STIM1: variants seen among roughly 807,000 people sequenced by gnomAD.
STIM1 encodes the protein stromal interaction molecule 1.
Under a neutral mutation model 74.7 loss-of-function variants are expected in STIM1, and 25 were observed. The ratio of observed to expected loss-of-function variants is 0.33; its 90% CI spans 0.24 to 0.47. The LOEUF is 0.47. STIM1 is among the 20% of genes least tolerant of loss of function. STIM1 has a pLI of 1.00. For missense variants in STIM1, 728 were observed against 920.8 expected (o/e 0.79, Z 2.71); for synonymous variants, 328 against 348.8 (o/e 0.94, Z 0.66).
intron 4 of STIM1, among the ~76,000 whole-genome samples, chr11:4,057,436 G>A (rs969671882): frequency 3.3e-5 from 5 of 152,076 alleles, no homozygotes; most frequent in Non-Finnish European, 7.4e-5. Flanking sequence ...GTGAAGTGAG[G>A]GTGGTTCTAG....
At chr11:3,929,909 A>G (rs2092836870) in intron 1 of STIM1, among the ~76,000 whole-genome samples, 1 of 152,060 alleles carries the variant, frequency 6.6e-6, no homozygotes, top group African/African-American at 2.4e-5. Context: ...GTTCTGGGAG[A>G]GCCTCAGCTC....
intron 2 of STIM1, among the ~76,000 whole-genome samples, chr11:3,978,182 C>T (rs1458154263): frequency 6.8e-6 from 1 of 147,672 alleles, no homozygotes; most frequent in African/African-American, 2.5e-5. Flanking sequence ...GAGTTTCGCT[C>T]TTGTTGCCCA....
intron 1 of STIM1, among the ~76,000 whole-genome samples, chr11:3,881,072 G>GGTGAC (rs2091479412): frequency 6.7e-6 from 1 of 148,922 alleles, no homozygotes; most frequent in Admixed American, 6.7e-5. Flanking sequence ...TTTAGAGTAT[G>GGTGAC]GTGACGTAGG....
At chr11:4,049,654 T>C (rs1227184830) in intron 3 of STIM1, 2 of 151,588 alleles carry the variant, frequency 1.3e-5, no homozygotes, top group South Asian at 2.1e-4. Context: ...GACTCAGCTT[T>C]TCCTCTGTAT....
intron 2 of STIM1, among the ~76,000 whole-genome samples, chr11:3,971,042 G>A (rs1434439822): frequency 2.0e-5 from 3 of 152,138 alleles, no homozygotes; most frequent in Non-Finnish European, 4.4e-5. Context: ...CGTAGTCAAA[G>A]GTGTGCACAG....
At chr11:3,894,831 C>T (rs180757768) in intron 1 of STIM1, among the ~76,000 whole-genome samples, 19 of 151,946 alleles carry the variant, frequency 1.3e-4, no homozygotes, top group African/African-American at 2.7e-4. Context: ...CTCCGCCTTC[C>T]GGGTTCAAGC....
chr11:4,043,392 G>C (rs1467581356), intron 3 of STIM1, among the ~76,000 whole-genome samples: 1 of 152,108 alleles, frequency 6.6e-6, no homozygotes, highest in African/African-American at 2.4e-5. Context: ...TGTGTCATTA[G>C]TACTTTTTAA....
At chr11:4,053,246 A>G (rs1359324693) in intron 3 of STIM1, among the ~76,000 whole-genome samples, 1 of 152,242 alleles carries the variant, frequency 6.6e-6, no homozygotes, top group African/African-American at 2.4e-5. Flanking sequence ...TACCCAAAGG[A>G]TTATAAATCA....
rs1406593424 is a variant in STIM1 at position 4,019,757 on chromosome 11, A to G, written c.271-4116A>G. On this transcript the variant is annotated intron_variant, in intron 2 of 12. Transcript: ENST00000526596. Reference sequence around the variant, plus strand: ...GATCAAATTAGGGGGTAAAATTAGTATATCTGTCATCTCAAACATATATCA... The same window carrying G: ...GATCAAATTAGGGGGTAAAATTAGTGTATCTGTCATCTCAAACATATATCA... Among the ~76,000 whole-genome samples, 6 of 152,366 alleles carry G rather than the reference A, an allele frequency of 3.9e-5. No individual in the cohort carries two copies. The South Asian group carries it at 8.3e-4, about 21-fold the overall frequency.
intron 7 of STIM1, among the ~76,000 whole-genome samples, chr11:4,079,208 C>T (rs9735835): frequency 0.81 from 123,186 of 151,792 alleles, 51,901 homozygotes; most frequent in East Asian, 0.95. Flanking sequence ...GGAGAATGGC[C>T]TGAACCTGGG....
intron 1 of STIM1, among the ~76,000 whole-genome samples, chr11:3,932,993 G>T (rs1308062047): frequency 1.3e-5 from 2 of 152,194 alleles, no homozygotes; most frequent in Non-Finnish European, 2.9e-5. Context: ...GAGCTTTTTG[G>T]CTGAGGTGAA....
intron 5 of STIM1, among the ~76,000 whole-genome samples, chr11:4,059,639 G>A (rs2094316637): frequency 6.6e-6 from 1 of 152,172 alleles, no homozygotes. Context: ...GACCCTGTAG[G>A]AAGACCTGGA....
intron 1 of STIM1, among the ~76,000 whole-genome samples, chr11:3,965,405 T>C: frequency 6.6e-6 from 1 of 152,212 alleles, no homozygotes; most frequent in Non-Finnish European, 1.5e-5. Context: ...AAAAATGAGA[T>C]ATGATTCATG....
At chr11:3,981,390 T>C (rs2093503864) in intron 2 of STIM1, among the ~76,000 whole-genome samples, 1 of 152,250 alleles carries the variant, frequency 6.6e-6, no homozygotes, top group Non-Finnish European at 1.5e-5. Flanking sequence ...TTAGGGGTCA[T>C]GAACTAGGTT....
At chr11:4,070,259 AT>A in intron 6 of STIM1, 56 bp downstream of exon 6, 1 of 1,605,428 alleles carries the variant, frequency 6.2e-7, no homozygotes, top group Non-Finnish European at 8.5e-7. Context: ...GGAACCTCCT[AT>A]TTCCACCTGG....
intron 2 of STIM1, among the ~76,000 whole-genome samples, chr11:3,982,815 C>T (rs895995952): frequency 2.6e-5 from 4 of 152,228 alleles, no homozygotes; most frequent in Admixed American, 1.3e-4. Flanking sequence ...AAAGTGTCAC[C>T]GCATTGGTTG....
At chr11:4,043,387 C>T (rs934682139) in intron 3 of STIM1, among the ~76,000 whole-genome samples, 1 of 152,090 alleles carries the variant, frequency 6.6e-6, no homozygotes, top group Non-Finnish European at 1.5e-5. Flanking sequence ...GGATATGTGT[C>T]ATTAGTACTT....
In STIM1 at chr11:3,978,885, C is replaced by T. The variant is rs73427583; in HGVS notation, c.270+11203C>T. Among the ~76,000 whole-genome samples, 1,206 of 152,160 alleles carry T rather than the reference C, an allele frequency of 7.9e-3. 17 individuals are homozygous for T. The highest frequency in any genetic ancestry group is 0.028 in the African/African-American group (1,150 of 41,520). On this transcript the variant is annotated intron_variant, in intron 2 of 12. Transcript: ENST00000526596. ...GTTCGGGAAGCTGGCATCAGGTTCC[C>T]GATGCCACCATTTGGCTTCAGCGCT...
intron 1 of STIM1, among the ~76,000 whole-genome samples, chr11:3,925,298 T>C (rs1033001060): frequency 6.6e-6 from 1 of 152,166 alleles, no homozygotes. Flanking sequence ...AGGAGGCTGA[T>C]GCAGGAGAAT....
Sources: gnomAD v4.1 joint callset for allele counts (sites outside exome capture counted in the v4.1 genomes callset) on GRCh38, gnomAD v4.1.1 for gene constraint, MANE v1.5 for transcripts, NCBI Gene and HGNC (gene_info 2026-07-23, HGNC 2026-07-21) for gene names.